FHOD3: variants seen among roughly 807,000 people sequenced by gnomAD.
FHOD3 encodes the protein FH1/FH2 domain-containing protein 3.
In FHOD3, 90 loss-of-function variants were observed where a neutral mutation model predicts 173.0. That is an observed-to-expected ratio of 0.52 (90% CI 0.44 to 0.62). The LOEUF (loss-of-function observed/expected upper bound fraction) is 0.62, where lower values mean the gene tolerates loss of function less well. FHOD3 is among the 20% of genes least tolerant of loss of function. FHOD3 has a pLI of 0.00. For synonymous variants in FHOD3, 828 were observed against 823.0 expected, an observed-to-expected ratio of 1.01 and a Z score of -0.10; for missense variants, 1,945 against 2,034.7, an observed-to-expected ratio of 0.96 and a Z score of 0.85.
chr18:36,620,815 A>T (rs2033641822), intron 9 of FHOD3, among the ~76,000 whole-genome samples: 1 of 152,240 alleles, frequency 6.6e-6, no homozygotes, highest in African/African-American at 2.4e-5. Flanking sequence ...TCTGAAAGTT[A>T]ATGCATCTCA....
chr18:36,653,049 G>A lies in FHOD3; in HGVS notation c.1646+120G>A, dbSNP rs1013824486. ...TTTTTGTGGATTTCAGCCCAAGCAG[G>A]GAGCAGTTGTGGCATAAACTTAAGT... On this transcript the variant is annotated intron_variant, in intron 12 of 28. Transcript: ENST00000590592. 9.6e-6 allele frequency: 13 copies of A among 1,347,282 alleles called. No homozygotes were observed. In the East Asian group the frequency reaches 2.3e-4, roughly 24 times the overall value. The allele number at this position is 1,347,282 out of a possible 1,614,324, so 83.5% of individuals were successfully genotyped here.
At chr18:36,625,870 A>C in intron 10 of FHOD3, 121 bp downstream of exon 10, 1 of 789,786 alleles carries the variant, frequency 1.3e-6, no homozygotes, top group Non-Finnish European at 1.9e-6. Context: ...ATTGCTCCCT[A>C]CCTCTTCTTG....
rs747642309 is a variant in FHOD3, at chr18:36,718,492, A to G, written c.3194A>G (p.Gln1065Arg). 3.7e-6 allele frequency: 6 copies of G among 1,612,198 alleles called. No individual in the cohort carries two copies. The highest frequency in any genetic ancestry group is 5.1e-6 in the Non-Finnish European group (6 of 1,179,790). Residue 1065 changes from glutamine to arginine, a missense_variant, in exon 19 of 29, where the codon CAG becomes CGG. Gln to Arg is a conservative substitution (Grantham distance 43). Around this residue, in one of 5 missense-constraint regions of FHOD3, gnomAD observed 1,099 missense variants for 1,051.2 expected, o/e 1.05. Transcript: ENST00000590592. ...CCTCCTCCAGTGTTCAACGCTCCTC[A>G]GGGCTTAGGGTGGTCCCAGGTACCC... ...VPPPPVFNAP[Q>R]GLGWSQVPRG... is the part of the protein sequence containing the mutation.
In FHOD3 at chr18:36,602,779, T is replaced by C. The variant is rs755744808; in HGVS notation, c.813+11T>C. ...ACTTTGGTGAACAAGGTTGGTTGAC[T>C]ATGTTATGGGTTGAATTGCGTCACC... On this transcript the variant is annotated intron_variant, in intron 8 of 28. Transcript: ENST00000590592. 1 of 1,602,560 alleles carries C rather than the reference T, an allele frequency of 6.2e-7. No individual in the cohort carries two copies. The highest frequency in any genetic ancestry group is 8.6e-7 in the Non-Finnish European group (1 of 1,169,328).
At chr18:36,315,827 C>T (rs911601015) in intron 1 of FHOD3, among the ~76,000 whole-genome samples, 8 of 152,114 alleles carry the variant, frequency 5.3e-5, no homozygotes, top group South Asian at 2.1e-4. Flanking sequence ...CTCACAGACC[C>T]GACTTTTGAA....
intron 5 of FHOD3, among the ~76,000 whole-genome samples, chr18:36,567,301 T>C (rs1243851106): frequency 6.6e-6 from 1 of 151,924 alleles, no homozygotes; most frequent in Non-Finnish European, 1.5e-5. Flanking sequence ...GAGGAAGAGA[T>C]GGAGGAAGGG....
chr18:36,719,470 A>G (rs1036806491), intron 19 of FHOD3, among the ~76,000 whole-genome samples: 9 of 152,208 alleles, frequency 5.9e-5, no homozygotes, highest in Non-Finnish European at 1.0e-4. Context: ...AATTCCCTAC[A>G]TTAGTAGAGA....
intron 10 of FHOD3, among the ~76,000 whole-genome samples, chr18:36,633,002 TG>T (rs368575986): frequency 2.1e-3 from 322 of 152,340 alleles, no homozygotes; most frequent in African/African-American, 6.8e-3. Context: ...TACATTGATG[TG>T]GTTCCAGGGT....
At chr18:36,562,678 G>A (rs1478681128) in intron 5 of FHOD3, among the ~76,000 whole-genome samples, 1 of 152,150 alleles carries the variant, frequency 6.6e-6, no homozygotes, top group African/African-American at 2.4e-5. Flanking sequence ...TTTGAGCTTG[G>A]TTTTGGTGAG....
At chr18:36,395,066 T>G (rs2048483133) in intron 3 of FHOD3, among the ~76,000 whole-genome samples, 1 of 152,168 alleles carries the variant, frequency 6.6e-6, no homozygotes, top group Non-Finnish European at 1.5e-5. Flanking sequence ...TATCCCATAT[T>G]TACCCACTTA....
chr18:36,539,069 G>T (rs1394517183), intron 5 of FHOD3, among the ~76,000 whole-genome samples: 1 of 152,140 alleles, frequency 6.6e-6, no homozygotes, highest in East Asian at 1.9e-4. Context: ...AAATCAGTAC[G>T]CATCTTATGT....
chr18:36,576,541 C>G lies in FHOD3; in HGVS notation c.602C>G (p.Ser201Ter), dbSNP rs1437521682. The G allele has an allele frequency of 6.2e-7, 1 of 1,611,262 alleles. No individual in the cohort carries two copies. Among genetic ancestry groups the G allele is most frequent in the Admixed American group, 1.7e-5 (1 of 59,750 alleles). ...CAGTGGCTGTACACTCTCATTGGGT[C>G]AAAGGTAAGGGGAAGTTATGGTTGA... Reference protein sequence around the residue: ...TIQWLYTLIGSKFRLVVKTAL... With the variant: ...TIQWLYTLIG The change falls in exon 6 of 29, where the codon TCA (serine) becomes TGA (stop). Residue 201 changes from serine to a stop codon, truncating the protein, a stop_gained. Coordinates refer to ENST00000590592, the MANE Select transcript of FHOD3 (RefSeq NM_001281740.3). LOFTEE classifies it high-confidence loss of function.
chr18:36,582,905 G>A (rs2058905514), intron 6 of FHOD3, among the ~76,000 whole-genome samples: 1 of 152,146 alleles, frequency 6.6e-6, no homozygotes, highest in African/African-American at 2.4e-5. Flanking sequence ...CATTCTGCGT[G>A]TCTGCGATTG....
At chr18:36,436,168 A>G (rs1257756513) in intron 3 of FHOD3, among the ~76,000 whole-genome samples, 2 of 152,216 alleles carry the variant, frequency 1.3e-5, no homozygotes, top group African/African-American at 2.4e-5. Flanking sequence ...CTGAGGTATG[A>G]CAGTTACCTA....
chr18:36,444,062 G>C (rs996978787), intron 3 of FHOD3, among the ~76,000 whole-genome samples: 4 of 151,840 alleles, frequency 2.6e-5, no homozygotes, highest in African/African-American at 9.7e-5. Flanking sequence ...GGGCAGTGGC[G>C]GGCGCCTGTA....
chr18:36,392,736 T>G (rs1412364967), intron 3 of FHOD3, among the ~76,000 whole-genome samples: 1 of 152,234 alleles, frequency 6.6e-6, no homozygotes, highest in Non-Finnish European at 1.5e-5. Context: ...AATTTGTACC[T>G]CATAGATTCT....
chr18:36,331,928 G>A (rs558576888), intron 1 of FHOD3, among the ~76,000 whole-genome samples: 45 of 152,130 alleles, frequency 3.0e-4, no homozygotes, highest in Non-Finnish European at 5.9e-4. Context: ...GTGGACTAGA[G>A]CACCAGTTGT....
At chr18:36,544,622 C>T (rs942244611) in intron 5 of FHOD3, 1 of 152,322 alleles carries the variant, frequency 6.6e-6, no homozygotes, top group Non-Finnish European at 1.5e-5. Context: ...AGGCTGAAAG[C>T]ATTAAGGAGA....
At chr18:36,335,210 A>AT (rs1290504244) in intron 1 of FHOD3, among the ~76,000 whole-genome samples, 6 of 152,292 alleles carry the variant, frequency 3.9e-5, no homozygotes, top group African/African-American at 1.4e-4. Flanking sequence ...ACAAAAAAAA[A>AT]CTTGGCCGGG....
Sources: gnomAD v4.1 joint callset for allele counts (sites outside exome capture counted in the v4.1 genomes callset) on GRCh38, gnomAD v4.1.1 for gene constraint, gnomAD v4.1.1 regional missense constraint, MANE v1.5 for transcripts, NCBI Gene and HGNC (gene_info 2026-07-23, HGNC 2026-07-21) for gene names.